The following WDR70 variants were observed in gnomAD, a reference collection of about 807,000 sequenced individuals.
The protein encoded by WDR70 is WD repeat-containing protein 70.
WDR70 carries 53 observed loss-of-function variants against 88.6 expected under a neutral mutation model. The observed-to-expected ratio is 0.60, with a 90% CI of 0.48 to 0.75. The LOEUF (loss-of-function observed/expected upper bound fraction) is 0.75, where lower values mean the gene tolerates loss of function less well. Among genes scored for constraint, WDR70 ranks in the 30% least tolerant of loss-of-function variants. The pLI is 0.00. For missense variants in WDR70, 610 were observed against 823.2 expected (o/e 0.74, Z 3.17); for synonymous variants, 280 against 270.0 (o/e 1.04, Z -0.36).
intron 8 of WDR70, among the ~76,000 whole-genome samples, chr5:37,499,587 T>TTTTC (rs1554144047): frequency 0.13 from 5,576 of 41,674 alleles, 428 homozygotes; most frequent in East Asian, 0.33. Flanking sequence ...TTTGGAAATA[T>TTTTC]TCTCTCTCTC....
At position 37,392,108 on chromosome 5, in the gene WDR70, A is replaced by C; in HGVS notation, c.284A>C (p.Lys95Thr). Residue 95 changes from lysine (K) to threonine (T), a missense_variant, in exon 4 of 18, where the codon AAA becomes ACA. Around this residue, in one of 4 missense-constraint regions of WDR70, gnomAD observed 203 missense variants for 228.1 expected, o/e 0.89. Coordinates refer to ENST00000265107, the MANE Select transcript of WDR70 (RefSeq NM_018034.4). ...SRSNVVRDCS[K>T]SSSRDTSSSE... ...TCAAATGTGGTCAGAGATTGCTCCA[A>C]ATCATCTTCCAGGTGCCTGATTTTC... 6.2e-7 allele frequency: 1 copy of C among 1,609,562 alleles called. No individual in the cohort carries two copies. The highest frequency in any genetic ancestry group is 8.5e-7 in the Non-Finnish European group (1 of 1,179,278).
chr5:37,385,363 T>TA (rs1225365039), intron 3 of WDR70, among the ~76,000 whole-genome samples: 1 of 151,612 alleles, frequency 6.6e-6, no homozygotes, highest in African/African-American at 2.4e-5. Flanking sequence ...CAAAAAATCT[T>TA]ACAAAAATTA....
intron 17 of WDR70, among the ~76,000 whole-genome samples, chr5:37,738,472 G>A (rs1400264125): frequency 6.6e-6 from 1 of 152,178 alleles, no homozygotes; most frequent in East Asian, 1.9e-4. Flanking sequence ...TTTTGTTACA[G>A]TGAAGACGAC....
chr5:37,564,955 T>G (rs1294295772), intron 9 of WDR70, among the ~76,000 whole-genome samples: 1 of 152,210 alleles, frequency 6.6e-6, no homozygotes, highest in Non-Finnish European at 1.5e-5. Context: ...TAAGTACAGC[T>G]CATATTTTTA....
chr5:37,545,827 G>C (rs1474018178), intron 9 of WDR70, among the ~76,000 whole-genome samples: 1 of 152,000 alleles, frequency 6.6e-6, no homozygotes, highest in African/African-American at 2.4e-5. Flanking sequence ...CCCAGCCAAG[G>C]GTGCTTTTTA....
chr5:37,432,767 G>T (rs1750348362), intron 5 of WDR70, among the ~76,000 whole-genome samples: 1 of 151,678 alleles, frequency 6.6e-6, no homozygotes, highest in Non-Finnish European at 1.5e-5. Flanking sequence ...TGCCATGTTG[G>T]CCAGGGTGGT....
At chr5:37,728,348 CAAAA>C (rs1271317565) in intron 17 of WDR70, among the ~76,000 whole-genome samples, 1 of 50,000 alleles carries the variant, frequency 2.0e-5, no homozygotes. Flanking sequence ...ACCTTGCCTC[CAAAA>C]AAAAAAAAAA....
intron 10 of WDR70, among the ~76,000 whole-genome samples, chr5:37,684,797 A>C (rs73751105): frequency 0.021 from 3,195 of 152,316 alleles, 129 homozygotes; most frequent in African/African-American, 0.072. Context: ...TAACAGCAAC[A>C]GTAGCAGCAG....
At chr5:37,635,846 C>T (rs1172443947) in intron 10 of WDR70, among the ~76,000 whole-genome samples, 2 of 152,112 alleles carry the variant, frequency 1.3e-5, no homozygotes, top group Non-Finnish European at 2.9e-5. Context: ...GTAATTTAAT[C>T]ATGCGCGCGG....
chr5:37,730,915 C>T lies in WDR70; in HGVS notation c.1877+3870C>T, dbSNP rs116534135. On this transcript the variant is annotated intron_variant, in intron 17 of 17. Transcript: ENST00000265107. The stretch of plus-strand genomic sequence containing the variant: ...TTAGCATGCATTCCTTAGAAGCAGG[C>T]CCTGAGATAAAGATTTACATAAAGG... Among the ~76,000 whole-genome samples, 650 of 152,200 alleles carry T rather than the reference C, an allele frequency of 4.3e-3. 6 individuals carry two copies. Among genetic ancestry groups the T allele is most frequent in the African/African-American group, 0.015 (605 of 41,532 alleles).
In WDR70 at chr5:37,608,549, AT is replaced by A. The variant is rs879831541; in HGVS notation, c.1092+3324del. ...GACCTGCTGTACTGTATGTTTCACT[AT>A]TTTTTTTTTTTTGTTTAACTTTTGA... is the stretch of plus-strand genomic sequence containing the variant. On this transcript the variant is annotated intron_variant, in intron 10 of 17. Transcript: ENST00000265107. Among the ~76,000 whole-genome samples the A allele has an allele frequency of 6.7e-3, 941 of 141,046 alleles. 6 individuals carry two copies. Among genetic ancestry groups the A allele is most frequent in the Admixed American group, 0.016 (225 of 14,112 alleles). 92.5% of individuals were successfully genotyped at this position (141,046 alleles called of 152,430 possible). A position where few individuals can be genotyped will look rare whatever the true frequency, so the allele number is the denominator to read the frequency against.
At chr5:37,618,438 G>A (rs566363700) in intron 10 of WDR70, among the ~76,000 whole-genome samples, 2 of 152,196 alleles carry the variant, frequency 1.3e-5, no homozygotes, top group African/African-American at 2.4e-5. Context: ...GCTCAGTTTC[G>A]GTTCACTGCA....
At chr5:37,447,237 G>T (rs1163340863) in intron 7 of WDR70, among the ~76,000 whole-genome samples, 1 of 152,180 alleles carries the variant, frequency 6.6e-6, no homozygotes, top group Non-Finnish European at 1.5e-5. Flanking sequence ...ACCACAATGA[G>T]ATACCATCTC....
At chr5:37,685,287 G>A (rs1237063051) in intron 10 of WDR70, among the ~76,000 whole-genome samples, 3 of 152,114 alleles carry the variant, frequency 2.0e-5, no homozygotes, top group African/African-American at 4.8e-5. Flanking sequence ...ATCCACTCAT[G>A]TAGACACACA....
rs532990953 is a variant in WDR70, at chr5:37,452,015, A to G, written c.686+8643A>G. On this transcript the variant is annotated intron_variant, in intron 7 of 17. Coordinates refer to ENST00000265107, the MANE Select transcript of WDR70 (RefSeq NM_018034.4). ...CTCAACAACAACAACAACAACAACA[A>G]AAAAGAAAAAAGTGAAACATGTATA... Among the ~76,000 whole-genome samples the G allele has an allele frequency of 2.0e-5, 3 of 152,276 alleles. No homozygotes were observed. In the East Asian group the frequency reaches 5.8e-4, roughly 29 times the overall value.
At chr5:37,411,845 T>A (rs1749535902) in intron 5 of WDR70, among the ~76,000 whole-genome samples, 1 of 152,190 alleles carries the variant, frequency 6.6e-6, no homozygotes, top group African/African-American at 2.4e-5. Flanking sequence ...GTTTCTTATA[T>A]GTATTTTACT....
chr5:37,544,387 A>G (rs1044479410), intron 9 of WDR70, among the ~76,000 whole-genome samples: 2 of 152,218 alleles, frequency 1.3e-5, no homozygotes, highest in African/African-American at 4.8e-5. Context: ...ACAGTCAATA[A>G]CATATGTTAT....
At chr5:37,703,455 C>T (rs760037951) in intron 13 of WDR70, among the ~76,000 whole-genome samples, 1 of 152,178 alleles carries the variant, frequency 6.6e-6, no homozygotes, top group Non-Finnish European at 1.5e-5. Context: ...TAATAAGTGA[C>T]GAAGTTTAAC....
At chr5:37,451,415 G>T (rs1174558863) in intron 7 of WDR70, among the ~76,000 whole-genome samples, 1 of 152,068 alleles carries the variant, frequency 6.6e-6, no homozygotes, top group African/African-American at 2.4e-5. Context: ...GTAGTCACTC[G>T]TCACATGGGG....
Sources: allele counts gnomAD v4.1 joint callset (sites outside exome capture counted in the v4.1 genomes callset), GRCh38; gene constraint gnomAD v4.1.1; regional missense constraint gnomAD v4.1.1; transcripts MANE v1.5; gene names NCBI Gene and HGNC (gene_info 2026-07-23, HGNC 2026-07-21).